Variants in FLG observed in about 807,000 individuals in gnomAD.
The protein encoded by FLG is filaggrin, also known as epidermal filaggrin.
In FLG, 6 loss-of-function variants were observed where a neutral mutation model predicts 3.8. The ratio of observed to expected loss-of-function variants is 1.60; its 90% CI spans 0.87 to 3.15. The LOEUF is 3.15. Among genes scored for constraint, FLG ranks in the 30% most tolerant of loss-of-function variants. The pLI, the probability that FLG is intolerant of heterozygous loss-of-function variation, is 0.00. For missense variants in FLG, 7,595 were observed against 5,050.9 expected, an observed-to-expected ratio of 1.50 and a Z score of -15.27; for synonymous variants, 2,551 against 1,931.6, an observed-to-expected ratio of 1.32 and a Z score of -8.41.
chr1:152,322,251 T>C (rs764956052), intron 1 of FLG, among the ~76,000 whole-genome samples: 22 of 151,196 alleles, frequency 1.5e-4, no homozygotes, highest in Middle Eastern at 3.4e-3. Context: ...TTTAACATTG[T>C]ACTAAAAGTC....
chr1:152,310,986 C>T lies in FLG; in HGVS notation c.3900G>A (p.Glu1300=), dbSNP rs755303435. The change falls in exon 3 of 3, where the codon GAG becomes GAA. Residue 1300 remains glutamate (E), a synonymous_variant. Coordinates refer to ENST00000368799, the MANE Select transcript of FLG (RefSeq NM_002016.2). ...GGTGTCTGGAGCCATCTCTTGACTG[C>T]TCCCGAGAAGATCCATGATGGTTTC... is the stretch of plus-strand genomic sequence containing the variant. ...ASRNHHGSSR[E]QSRDGSRHPG... 5.0e-6 allele frequency: 8 copies of T among 1,613,968 alleles called. 1 individual carries two copies. In the South Asian group the frequency reaches 8.8e-5, roughly 18 times the overall value.
At position 152,312,042 on chromosome 1, in the gene FLG, C is replaced by T. The variant is rs1162245531; in HGVS notation, c.2844G>A (p.Gln948=). The T allele has an allele frequency of 1.9e-6, 3 of 1,614,134 alleles. No homozygotes were observed. The highest frequency in any genetic ancestry group is 2.5e-6 in the Non-Finnish European group (3 of 1,180,020). ...CTGAATGTCCCTCACTGTCACTGTCCTGGCTAACACTGGATCCCTGGCGCC... is the reference window on the plus strand; with the variant it reads ...CTGAATGTCCCTCACTGTCACTGTCTTGGCTAACACTGGATCCCTGGCGCC... ...TSRRQGSSVS[Q]DSDSEGHSED... is the part of the protein sequence containing the mutation. The change falls in exon 3 of 3, where the codon CAG becomes CAA. Residue 948 remains glutamine, a synonymous_variant. Transcript: ENST00000368799.
chr1:152,310,688 C>T lies in FLG; in HGVS notation c.4198G>A (p.Gly1400Arg). ...SSGSQVTNSEGHSEDSDTQSV... is the reference protein window; with the variant it reads ...SSGSQVTNSERHSEDSDTQSV... Reference sequence around the variant, plus strand: ...TGTGTGTCTGAGTCTTCTGAATGTCCCTCACTGTTAGTGACCTGACTACCA... The same window carrying T: ...TGTGTGTCTGAGTCTTCTGAATGTCTCTCACTGTTAGTGACCTGACTACCA... The change falls in exon 3 of 3, where the codon GGA (glycine) becomes AGA (arginine). Residue 1400 changes from glycine to arginine, a missense_variant. Gly to Arg is a moderately radical substitution (Grantham distance 125). Coordinates refer to ENST00000368799, the MANE Select transcript of FLG (RefSeq NM_002016.2). 4 of 1,614,080 alleles carry T rather than the reference C, an allele frequency of 2.5e-6. No homozygotes were observed. Among genetic ancestry groups the T allele is most frequent in the Non-Finnish European group, 3.4e-6 (4 of 1,180,038 alleles).
At chr1:152,319,647 A>G (rs528859190) in intron 1 of FLG, among the ~76,000 whole-genome samples, 6 of 151,634 alleles carry the variant, frequency 4.0e-5, no homozygotes, top group African/African-American at 1.4e-4. Context: ...TGTCTTTTCA[A>G]AAGAAACAAT....
chr1:152,311,065 C>A lies in FLG; in HGVS notation c.3821G>T (p.Ser1274Ile). 6.2e-7 allele frequency: 1 copy of A among 1,614,020 alleles called. No individual in the cohort carries two copies. The highest frequency in any genetic ancestry group is 8.5e-7 in the Non-Finnish European group (1 of 1,179,998). Reference protein sequence around the residue: ...RHQGSSVSQDSDSERHSDDSE... With the variant: ...RHQGSSVSQDIDSERHSDDSE... ...GTCGTCTGAGTGTCTCTCACTGTCA[C>A]TGTCCTGGCTAACACTGGATCCCTG... is the stretch of plus-strand genomic sequence containing the variant. Residue 1274 changes from serine to isoleucine, a missense_variant, in exon 3 of 3, where the codon AGT becomes ATT. Ser to Ile is a moderately radical substitution (Grantham distance 142). Transcript: ENST00000368799.
Position 152,307,054 on chromosome 1 carries a change from T to C in FLG, c.7832A>G (p.Glu2611Gly), listed in dbSNP as rs1303650916. The C allele has an allele frequency of 6.2e-7, 1 of 1,607,330 alleles. No individual in the cohort carries two copies. The highest frequency in any genetic ancestry group is 1.4e-5 in the African/African-American group (1 of 71,468). The stretch of plus-strand genomic sequence containing the variant: ...AGAGTGCCCATGACCAGCTCTGTCT[T>C]CTTGATGGGACCTGGGGTGTCTGGA... ...DGSRHPRSHQ[E>G]DRAGHGHSAD... The change falls in exon 3 of 3, where the codon GAA (glutamate) becomes GGA (glycine). Residue 2611 changes from glutamate (E) to glycine (G), a missense_variant. Physicochemically the swap from Glu to Gly is moderately conservative, Grantham distance 98. Coordinates refer to ENST00000368799, the MANE Select transcript of FLG (RefSeq NM_002016.2).
At position 152,312,171 on chromosome 1, in the gene FLG, G is replaced by A. The variant is rs745909583; in HGVS notation, c.2715C>T (p.Gly905=). 6.2e-7 allele frequency: 1 copy of A among 1,613,874 alleles called. No homozygotes were observed. The highest frequency in any genetic ancestry group is 2.2e-5 in the East Asian group (1 of 44,862). ...GGTGACGTGACCCTGAGTGCCTGGA[G>A]CCGTCTCTTGATTGTTCCTCATTAC... ...TTRNEEQSRD[G]SRHSGSRHHE... Residue 905 remains glycine (G), a synonymous_variant, in exon 3 of 3, where the codon GGC becomes GGT. Transcript: ENST00000368799.
Position 152,309,946 on chromosome 1 carries a change from G to T in FLG, c.4940C>A (p.Ala1647Glu), listed in dbSNP as rs1401038989. The change falls in exon 3 of 3, where the codon GCA (alanine) becomes GAA (glutamate). Residue 1647 changes from alanine to glutamate, a missense_variant. Physicochemically the swap from Ala to Glu is moderately radical, Grantham distance 107. Coordinates refer to ENST00000368799, the MANE Select transcript of FLG (RefSeq NM_002016.2). ...QEDRASHGHSAESSRQSGTRH... is the reference protein window; with the variant it reads ...QEDRASHGHSEESSRQSGTRH... ...AGTGCCTGATTGTCTGGAGCTCTCTGCAGAGTGCCCATGACTGGCTCTATC... is the reference window on the plus strand; with the variant it reads ...AGTGCCTGATTGTCTGGAGCTCTCTTCAGAGTGCCCATGACTGGCTCTATC... 1 of 1,613,986 alleles carries T rather than the reference G, an allele frequency of 6.2e-7. No individual in the cohort carries two copies. Among genetic ancestry groups the T allele is most frequent in the Admixed American group, 1.7e-5 (1 of 60,006 alleles).
chr1:152,318,320 T>C (rs899697977), intron 1 of FLG, among the ~76,000 whole-genome samples: 4 of 151,934 alleles, frequency 2.6e-5, no homozygotes, highest in African/African-American at 4.8e-5. Context: ...TCCAAGTTGT[T>C]GAATACAGTG....
At position 152,311,775 on chromosome 1, in the gene FLG, G is replaced by A. The variant is rs533207539; in HGVS notation, c.3111C>T (p.His1037=). ...SSPGERHGSR[H]QQSADSSRHS... ...GTCTGGAGCTGTCTGCTGACTGCTG[G>A]TGGCGGGATCCGTGTCTTTCTCCTG... The change falls in exon 3 of 3, where the codon CAC becomes CAT. Residue 1037 remains histidine (H), a synonymous_variant. Coordinates refer to ENST00000368799, the MANE Select transcript of FLG (RefSeq NM_002016.2). The A allele has an allele frequency of 3.7e-6, 6 of 1,614,106 alleles. No homozygotes were observed. Among genetic ancestry groups the A allele is most frequent in the East Asian group, 4.5e-5 (2 of 44,864 alleles).
At chr1:152,323,100 C>A (rs775752572) in intron 1 of FLG, among the ~76,000 whole-genome samples, 23 of 151,324 alleles carry the variant, frequency 1.5e-4, no homozygotes, top group Non-Finnish European at 2.4e-4. Context: ...TAGTGTAGGT[C>A]AGTAGAGAAA....
chr1:152,314,335 T>C lies in FLG; in HGVS notation c.551A>G (p.Glu184Gly). ...GKNHHNSSKK[E>G]KNKTENTRLG... ...TCTAGTATTTTCAGTCTTGTTTTTC[T>C]CTTTTTTACTTGAGTTATGATGGTT... The change falls in exon 3 of 3, where the codon GAG becomes GGG. Residue 184 changes from glutamate to glycine, a missense_variant. Physicochemically the swap from Glu to Gly is moderately conservative, Grantham distance 98. Transcript: ENST00000368799. 1 of 1,613,110 alleles carries C rather than the reference T, an allele frequency of 6.2e-7. No individual in the cohort carries two copies. The highest frequency in any genetic ancestry group is 8.5e-7 in the Non-Finnish European group (1 of 1,179,720).
At chr1:152,318,749 C>T (rs1489891940) in intron 1 of FLG, among the ~76,000 whole-genome samples, 1 of 151,842 alleles carries the variant, frequency 6.6e-6, no homozygotes, top group East Asian at 1.9e-4. Context: ...GGGTTAGGCA[C>T]TGTTTCATGC....
chr1:152,307,222 T>G lies in FLG; in HGVS notation c.7664A>C (p.Glu2555Ala), dbSNP rs752364784. 47 of 1,610,800 alleles carry G rather than the reference T, an allele frequency of 2.9e-5. 1 individual carries two copies. The Middle Eastern group carries it at 1.6e-3, about 56-fold the overall frequency. Reference sequence around the variant, plus strand: ...CCAGTTCCTGCTTGTCCTGGGCCCCTCTGATTGTCCCTGGCCCACCTGCGA... The same window carrying G: ...CCAGTTCCTGCTTGTCCTGGGCCCCGCTGATTGTCCCTGGCCCACCTGCGA... ...GHSQVGQGQSEGPRTSRNWGS... is the reference protein window; with the variant it reads ...GHSQVGQGQSAGPRTSRNWGS... Residue 2555 changes from glutamate (E) to alanine (A), a missense_variant, in exon 3 of 3, where the codon GAG becomes GCG. Physicochemically the swap from Glu to Ala is moderately radical, Grantham distance 107. Coordinates refer to ENST00000368799, the MANE Select transcript of FLG (RefSeq NM_002016.2).
At position 152,302,524 on chromosome 1, in the gene FLG, T is replaced by A. The variant is rs1335090662; in HGVS notation, c.*176A>T. On this transcript the variant is annotated 3_prime_UTR_variant, in exon 3 of 3. Coordinates refer to ENST00000368799, the MANE Select transcript of FLG (RefSeq NM_002016.2). ...TTTAATATTTCTGAAATATAGCGTT[T>A]AAAGATCATTACACAATAAAAATAA... 1.3e-6 allele frequency: 1 copy of A among 782,758 alleles called. No homozygotes were observed. The highest frequency in any genetic ancestry group is 2.0e-6 in the Non-Finnish European group (1 of 504,560). The allele number at this position is 782,758 out of a possible 1,614,324, so 48.5% of individuals were successfully genotyped here.
At position 152,302,849 on chromosome 1, in the gene FLG, C is replaced by G. The variant is rs1320513717; in HGVS notation, c.12037G>C (p.Asp4013His). The G allele has an allele frequency of 3.1e-6, 5 of 1,614,082 alleles. No individual in the cohort carries two copies. Among genetic ancestry groups the G allele is most frequent in the Non-Finnish European group, 3.4e-6 (4 of 1,180,032 alleles). The stretch of plus-strand genomic sequence containing the variant: ...CCAAACGCACTTGCTTTACAGATAT[C>G]AGATCTTTCCTTGAAAACAACAGGA... Reference protein sequence around the residue: ...SNPVVFKERSDICKASAFGKD... With the variant: ...SNPVVFKERSHICKASAFGKD... The change falls in exon 3 of 3, where the codon GAT (aspartate) becomes CAT (histidine). Residue 4013 changes from aspartate (D) to histidine (H), a missense_variant. Asp to His is a moderately conservative substitution (Grantham distance 81, BLOSUM62 -1). Transcript: ENST00000368799.
rs146300888 is a variant in FLG at position 152,312,306 on chromosome 1, C to A, written c.2580G>T (p.Ser860=). The A allele has an allele frequency of 2.5e-6, 4 of 1,613,428 alleles. No individual in the cohort carries two copies. The Admixed American group carries it at 6.7e-5, about 27-fold the overall frequency. ...ACCCTGAGTGTCCAGACCTATCTACCGATTGCTCGTGGTGGGACCCCTGCC... is the reference window on the plus strand; with the variant it reads ...ACCCTGAGTGTCCAGACCTATCTACAGATTGCTCGTGGTGGGACCCCTGCC... The part of the protein sequence containing the change: ...RGRQGSHHEQ[S]VDRSGHSGSH... Residue 860 remains serine (S), a synonymous_variant, in exon 3 of 3, where the codon TCG becomes TCT. Coordinates refer to ENST00000368799, the MANE Select transcript of FLG (RefSeq NM_002016.2).
In FLG at chr1:152,311,433, G is replaced by A; in HGVS notation, c.3453C>T (p.Asp1151=). 3 of 1,613,992 alleles carry A rather than the reference G, an allele frequency of 1.9e-6. No homozygotes were observed. The highest frequency in any genetic ancestry group is 1.7e-5 in the Admixed American group (1 of 60,016). Residue 1151 remains aspartate (D), a synonymous_variant, in exon 3 of 3, where the codon GAC becomes GAT. Transcript: ENST00000368799. ...RQGSHHEQAR[D]SSRHSASQEG... ...CTTGGGACGCTGAGTGCCTGGAGCTGTCTCGTGCCTGCTCGTGGTGGGATC... is the reference window on the plus strand; with the variant it reads ...CTTGGGACGCTGAGTGCCTGGAGCTATCTCGTGCCTGCTCGTGGTGGGATC...
chr1:152,306,346 G>T lies in FLG; in HGVS notation c.8540C>A (p.Ser2847Ter), dbSNP rs754300448. 15 of 1,602,176 alleles carry T rather than the reference G, an allele frequency of 9.4e-6. No individual in the cohort carries two copies. In the South Asian group the frequency reaches 1.6e-4, roughly 18 times the overall value. The change falls in exon 3 of 3, where the codon TCA becomes TAA. Residue 2847 changes from serine to a stop codon, truncating the protein, a stop_gained. Coordinates refer to ENST00000368799, the MANE Select transcript of FLG (RefSeq NM_002016.2). LOFTEE classifies it low-confidence loss of function (END_TRUNC). ...ASRTTRNEEQ[S>*]GDGSRHSGSR... Reference sequence around the variant, plus strand: ...CCCTGAGTGCCTGGAGCCGTCTCCTGATTGTTCCTCATTACGTGTTGTTCT... The same window carrying T: ...CCCTGAGTGCCTGGAGCCGTCTCCTTATTGTTCCTCATTACGTGTTGTTCT...
Sources: gnomAD v4.1 joint callset for allele counts (sites outside exome capture counted in the v4.1 genomes callset) on GRCh38, gnomAD v4.1.1 for gene constraint, MANE v1.5 for transcripts, NCBI Gene and HGNC (gene_info 2026-07-23, HGNC 2026-07-21) for gene names.